The following GTF2F2 variants were observed in gnomAD, a reference collection of about 807,000 sequenced individuals.
The protein encoded by GTF2F2 is ATP-dependent helicase GTF2F2.
GTF2F2 carries 23 observed loss-of-function variants against 42.2 expected under a neutral mutation model. That is an observed-to-expected ratio of 0.55 (90% CI 0.39 to 0.77). The LOEUF is 0.77. Ranked by LOEUF, GTF2F2 falls within the 30% of genes least tolerant of loss-of-function variation. The pLI is 0.00. For missense variants in GTF2F2, 261 were observed against 287.2 expected, an observed-to-expected ratio of 0.91 and a Z score of 0.66; for synonymous variants, 105 against 100.8, an observed-to-expected ratio of 1.04 and a Z score of -0.25.
intron 5 of GTF2F2, among the ~76,000 whole-genome samples, chr13:45,225,545 G>C (rs1337042947): frequency 6.7e-6 from 1 of 148,826 alleles, no homozygotes; most frequent in Non-Finnish European, 1.5e-5. Flanking sequence ...TTGACATGGA[G>C]ATTGCAATGA....
chr13:45,145,951 A>G (rs150868470), intron 2 of GTF2F2, among the ~76,000 whole-genome samples: 24 of 152,040 alleles, frequency 1.6e-4, no homozygotes, highest in African/African-American at 5.5e-4. Context: ...GTCCTCCTAT[A>G]TGTGGATGCT....
chr13:45,247,380 G>A (rs1423280296), intron 5 of GTF2F2, among the ~76,000 whole-genome samples: 1 of 151,472 alleles, frequency 6.6e-6, no homozygotes, highest in African/African-American at 2.4e-5. Context: ...CTGTTAGACA[G>A]ATACCTGGTT....
At chr13:45,225,697 G>T (rs1874317619) in intron 5 of GTF2F2, among the ~76,000 whole-genome samples, 1 of 151,814 alleles carries the variant, frequency 6.6e-6, no homozygotes, top group African/African-American at 2.4e-5. Context: ...CAGAGCAAAG[G>T]CAAAATATTT....
intron 6 of GTF2F2, among the ~76,000 whole-genome samples, chr13:45,256,796 TAAA>T (rs1200624837): frequency 6.6e-6 from 1 of 152,142 alleles, no homozygotes; most frequent in Non-Finnish European, 1.5e-5. Flanking sequence ...AGACTTTTAA[TAAA>T]AAATTTTAAC....
chr13:45,192,536 T>A (rs78371804), intron 4 of GTF2F2, among the ~76,000 whole-genome samples: 4,342 of 152,282 alleles, frequency 0.029, 188 homozygotes, highest in African/African-American at 0.092. Flanking sequence ...AATCGTTTAA[T>A]TTTAAAAGAG....
intron 2 of GTF2F2, among the ~76,000 whole-genome samples, chr13:45,141,447 T>C (rs1869920383): frequency 6.6e-6 from 1 of 152,192 alleles, no homozygotes; most frequent in South Asian, 2.1e-4. Flanking sequence ...TTTATGTGTT[T>C]CCCTATGCAA....
intron 5 of GTF2F2, among the ~76,000 whole-genome samples, chr13:45,222,930 A>T (rs1012240226): frequency 1.3e-5 from 2 of 152,224 alleles, no homozygotes; most frequent in Non-Finnish European, 2.9e-5. Flanking sequence ...CCAAAGCAAG[A>T]GGATTGCTTG....
intron 4 of GTF2F2, among the ~76,000 whole-genome samples, chr13:45,152,176 A>G (rs1870535646): frequency 1.3e-5 from 2 of 152,036 alleles, no homozygotes; most frequent in African/African-American, 4.8e-5. Context: ...TGGCCTCCCA[A>G]AGTGCTGGGA....
intron 3 of GTF2F2, 85 bp downstream of exon 3, chr13:45,149,873 G>A: frequency 7.7e-7 from 1 of 1,305,654 alleles, no homozygotes; most frequent in Non-Finnish European, 1.0e-6. Context: ...TTTGAATTTT[G>A]GAAAACTCCA....
intron 5 of GTF2F2, among the ~76,000 whole-genome samples, chr13:45,227,004 G>A (rs1257956268): frequency 6.6e-6 from 1 of 152,124 alleles, no homozygotes; most frequent in African/African-American, 2.4e-5. Flanking sequence ...AGGAGGCCAA[G>A]GTGGGAGATC....
intron 7 of GTF2F2, among the ~76,000 whole-genome samples, chr13:45,278,488 A>G (rs1354094356): frequency 6.6e-6 from 1 of 152,226 alleles, no homozygotes; most frequent in Non-Finnish European, 1.5e-5. Context: ...AGCTTGGCAC[A>G]TAGTCTGTAA....
chr13:45,165,958 C>T (rs922765283), intron 4 of GTF2F2, among the ~76,000 whole-genome samples: 15 of 151,548 alleles, frequency 9.9e-5, no homozygotes, highest in African/African-American at 3.6e-4. Flanking sequence ...GGATTACAGG[C>T]GCCCGCCCCT....
At chr13:45,190,169 C>G (rs1351167100) in intron 4 of GTF2F2, among the ~76,000 whole-genome samples, 1 of 151,974 alleles carries the variant, frequency 6.6e-6, no homozygotes, top group Admixed American at 6.6e-5. Context: ...AAAAACAACC[C>G]CATAAAAAAG....
chr13:45,179,413 A>G (rs1872039621), intron 4 of GTF2F2, among the ~76,000 whole-genome samples: 1 of 152,238 alleles, frequency 6.6e-6, no homozygotes, highest in Admixed American at 6.5e-5. Context: ...ATTTTTAAGC[A>G]TGCCAATACT....
intron 5 of GTF2F2, among the ~76,000 whole-genome samples, chr13:45,210,468 A>G (rs9534063): frequency 0.19 from 28,149 of 151,654 alleles, 2,971 homozygotes; most frequent in Middle Eastern, 0.26. Flanking sequence ...TGACTACCCT[A>G]CCTCTTTCTG....
intron 2 of GTF2F2, among the ~76,000 whole-genome samples, chr13:45,141,122 A>G (rs1180468572): frequency 6.6e-6 from 1 of 152,240 alleles, no homozygotes; most frequent in African/African-American, 2.4e-5. Flanking sequence ...CTCTATGTAA[A>G]GAAAATACCT....
chr13:45,142,885 A>G (rs1420569224), intron 2 of GTF2F2, among the ~76,000 whole-genome samples: 1 of 152,216 alleles, frequency 6.6e-6, no homozygotes, highest in East Asian at 1.9e-4. Flanking sequence ...TTTTGAGCTT[A>G]ATATGAGTCA....
At chr13:45,212,447 G>GTTTCTTTCTTTTCTTTTCTTTTC (rs765065810) in intron 5 of GTF2F2, among the ~76,000 whole-genome samples, 14 of 45,684 alleles carry the variant, frequency 3.1e-4, no homozygotes, top group East Asian at 9.8e-4. Context: ...TTTCTTTCTT[G>GTTTCTTTCTTTTCTTTTCTTTTC]TTTCTTTCTT....
chr13:45,128,646 C>G (rs1256111795), intron 1 of GTF2F2, among the ~76,000 whole-genome samples: 1 of 151,952 alleles, frequency 6.6e-6, no homozygotes, highest in Non-Finnish European at 1.5e-5. Context: ...GGCTGGAGTG[C>G]AGTGGCATGT....
Sources: gnomAD v4.1 joint callset for allele counts (sites outside exome capture counted in the v4.1 genomes callset) on GRCh38, gnomAD v4.1.1 for gene constraint, MANE v1.5 for transcripts, NCBI Gene and HGNC (gene_info 2026-07-23, HGNC 2026-07-21) for gene names.